The following CFAP46 variants were observed in gnomAD, a reference collection of about 807,000 sequenced individuals.
The protein encoded by CFAP46 is cilia and flagella associated protein 46, also known as cilia- and flagella-associated protein 46.
CFAP46 carries 245 observed loss-of-function variants against 325.7 expected under a neutral mutation model. The observed-to-expected ratio is 0.75, with a 90% CI of 0.68 to 0.84. The LOEUF (loss-of-function observed/expected upper bound fraction) is 0.84. Among genes scored for constraint, CFAP46 ranks in the 40% least tolerant of loss-of-function variants. CFAP46 has a pLI of 0.00. For missense variants in CFAP46, 3,346 were observed against 3,543.0 expected (o/e 0.94, Z 1.41); for synonymous variants, 1,523 against 1,495.9 (o/e 1.02, Z -0.42).
rs372764437 is a variant in CFAP46 at position 132,934,723 on chromosome 10, T to C, written c.866+29A>G. 7 of 1,347,460 alleles carry C rather than the reference T, an allele frequency of 5.2e-6. No homozygotes were observed. The African/African-American group carries it at 8.7e-5, about 17-fold the overall frequency. 83.5% of individuals were successfully genotyped at this position (1,347,460 alleles called of 1,614,324 possible). On this transcript the variant is annotated intron_variant, in intron 8 of 57. Coordinates refer to ENST00000368586, the MANE Select transcript of CFAP46 (RefSeq NM_001200049.3). ...AAATTTTGTACAACGATTATGAAGA[T>C]GTGATATTGGAAAAATACAAACACT...
Position 132,869,234 on chromosome 10 carries a change from G to A in CFAP46, c.4610+40C>T, listed in dbSNP as rs1396912271. On this transcript the variant is annotated intron_variant, in intron 33 of 57. Coordinates refer to ENST00000368586, the MANE Select transcript of CFAP46 (RefSeq NM_001200049.3). This position sits in a 1 kb window ranked among gnomAD's most constrained non-coding sequence, Gnocchi z 6.2. ...TTTCACCTGGCCGCACCAAGGGCGA[G>A]ACTCAAACCCCAGGCGGCGCAGGGT... 2 of 1,477,774 alleles carry A rather than the reference G, an allele frequency of 1.4e-6. No homozygotes were observed. Among genetic ancestry groups the A allele is most frequent in the East Asian group, 5.1e-5 (2 of 38,866 alleles). 91.5% of individuals were successfully genotyped at this position (1,477,774 alleles called of 1,614,324 possible). A position where few individuals can be genotyped will look rare whatever the true frequency, so the allele number is the denominator to read the frequency against.
chr10:132,810,391 A>G lies in CFAP46; in HGVS notation c.7664+18T>C, dbSNP rs1302885839. The G allele has an allele frequency of 2.5e-6, 4 of 1,611,240 alleles. No individual in the cohort carries two copies. In the South Asian group the frequency reaches 3.3e-5, roughly 13 times the overall value. ...GAGGGTGCTGAAGGCCGCGGGGTGC[A>G]GGCCGCCCCTCCCTTACCTTGGTTC... On this transcript the variant is annotated intron_variant, in intron 57 of 57. Coordinates refer to ENST00000368586, the MANE Select transcript of CFAP46 (RefSeq NM_001200049.3).
intron 40 of CFAP46, 26 bp from the exon 41 acceptor site, chr10:132,850,458 C>G (rs753805374): frequency 1.3e-6 from 2 of 1,524,570 alleles, no homozygotes; most frequent in Non-Finnish European, 1.8e-6. Context: ...CATGTTACAG[C>G]TGCCACCCCA....
intron 25 of CFAP46, among the ~76,000 whole-genome samples, chr10:132,888,903 C>T (rs182689183): frequency 2.5e-3 from 373 of 151,516 alleles, no homozygotes; most frequent in Middle Eastern, 6.8e-3. Flanking sequence ...TCACCCCTGC[C>T]GCCTGCACCT....
intron 25 of CFAP46, among the ~76,000 whole-genome samples, chr10:132,890,769 T>C (rs1591075891): frequency 6.6e-6 from 1 of 152,188 alleles, no homozygotes; most frequent in Non-Finnish European, 1.5e-5. Context: ...GTCGGGCTCA[T>C]GCCTGCAGGA....
chr10:132,903,376 G>A (rs577074851), intron 22 of CFAP46, among the ~76,000 whole-genome samples: 90 of 152,228 alleles, frequency 5.9e-4, no homozygotes, highest in African/African-American at 5.8e-4. Flanking sequence ...CCCACCTGCC[G>A]CGTCACATCC....
In CFAP46 at chr10:132,881,024, C is replaced by T; in HGVS notation, c.3636G>A (p.Glu1212=). 6.4e-7 allele frequency: 1 copy of T among 1,550,476 alleles called. No individual in the cohort carries two copies. The highest frequency in any genetic ancestry group is 8.7e-7 in the Non-Finnish European group (1 of 1,146,954). Residue 1212 remains glutamate (E), a synonymous_variant, in exon 28 of 58, where the codon GAG becomes GAA. Coordinates refer to ENST00000368586, the MANE Select transcript of CFAP46 (RefSeq NM_001200049.3). ...NNAIQALQKP[E]MEWQKVEYLM... ...GGTACTCCACCTTCTGCCACTCCAT[C>T]TCAGGCTTCTGTGGGATTGAACAGG... is the stretch of plus-strand genomic sequence containing the variant.
chr10:132,870,578 C>T (rs542387329), intron 32 of CFAP46, among the ~76,000 whole-genome samples: 4 of 152,138 alleles, frequency 2.6e-5, no homozygotes, highest in South Asian at 2.1e-4. Context: ...AAAAAGTTTC[C>T]GTGGTCTGCG....
At chr10:132,875,250 G>A (rs944602093) in intron 31 of CFAP46, among the ~76,000 whole-genome samples, 1 of 152,132 alleles carries the variant, frequency 6.6e-6, no homozygotes, top group South Asian at 2.1e-4. Context: ...GAAGACCTAC[G>A]TCAATGGAGA....
rs768837839 is a variant in CFAP46, at chr10:132,918,388, C to T, written c.1986+5G>A. 2.1e-5 allele frequency: 32 copies of T among 1,541,166 alleles called. No homozygotes were observed. The East Asian group carries it at 2.2e-4, about 11-fold the overall frequency. ...CACCGATGAACCCCCCTCTCCATGA[C>T]GCACCTCAGCATGGATGAACCCCAC... On this transcript the variant is annotated splice_donor_5th_base_variant and intron_variant, in intron 16 of 57. Coordinates refer to ENST00000368586, the MANE Select transcript of CFAP46 (RefSeq NM_001200049.3).
chr10:132,922,664 T>G lies in CFAP46; in HGVS notation c.1301A>C (p.Gln434Pro). The G allele has an allele frequency of 1.3e-6, 2 of 1,549,944 alleles. No individual in the cohort carries two copies. Among genetic ancestry groups the G allele is most frequent in the Non-Finnish European group, 1.7e-6 (2 of 1,146,760 alleles). The change falls in exon 12 of 58, where the codon CAG becomes CCG. Residue 434 changes from glutamine (Q) to proline (P), a missense_variant. Physicochemically the swap from Gln to Pro is moderately conservative, Grantham distance 76. Transcript: ENST00000368586. ...LRCQVHMEMA[Q>P]IEEDEDRLEP... is the part of the protein sequence containing the mutation. ...CAGCCGGTCCTCGTCCTCCTCGATC[T>G]GCGCCATCTCCATGTGCACTTGACA...
chr10:132,899,765 A>G, intron 22 of CFAP46, 99 bp from the exon 23 acceptor site: 1 of 1,343,750 alleles, frequency 7.4e-7, no homozygotes, highest in Non-Finnish European at 9.9e-7. Context: ...CACAGGTGGT[A>G]TTCTAAGATG....
chr10:132,855,690 C>T (rs1351621100), intron 39 of CFAP46, among the ~76,000 whole-genome samples: 1 of 152,128 alleles, frequency 6.6e-6, no homozygotes, highest in East Asian at 1.9e-4. Context: ...CATCTGTATT[C>T]TGGTATTTCT....
In CFAP46 at chr10:132,889,316, G is replaced by C. The variant is rs1849223196; in HGVS notation, c.3304+3017C>G. Among the ~76,000 whole-genome samples the C allele has an allele frequency of 1.3e-5, 2 of 152,204 alleles. No individual in the cohort carries two copies. The highest frequency in any genetic ancestry group is 2.9e-5 in the Non-Finnish European group (2 of 68,040). On this transcript the variant is annotated intron_variant, in intron 25 of 57. Coordinates refer to ENST00000368586, the MANE Select transcript of CFAP46 (RefSeq NM_001200049.3). This position sits in a 1 kb window ranked among gnomAD's most constrained non-coding sequence, Gnocchi z 6.0. ...TGCATTCTCCAGAGCCGACCGGCTG[G>C]GTCTAGGGAGCAGAGGTGCCCATGG...
Position 132,810,988 on chromosome 10 carries a change from C to G in CFAP46, c.7545G>C (p.Gln2515His). 6.2e-7 allele frequency: 1 copy of G among 1,608,012 alleles called. No homozygotes were observed. The highest frequency in any genetic ancestry group is 8.5e-7 in the Non-Finnish European group (1 of 1,177,462). The change falls in exon 56 of 58, where the codon CAG becomes CAC. Residue 2515 changes from glutamine (Q) to histidine (H), a missense_variant. By Grantham distance (24) the Gln-to-His change is conservative (BLOSUM62 0). Transcript: ENST00000368586. ...AVLLDLARSYQSLKRHMESVE... is the reference protein window; with the variant it reads ...AVLLDLARSYHSLKRHMESVE... ...CGCTCTCCATGTGCCTCTTCAAGCT[C>G]TGGTAGGACCGCGCCAGGTCCAGCA...
chr10:132,864,727 C>G (rs1198233072), intron 35 of CFAP46, among the ~76,000 whole-genome samples: 1 of 137,040 alleles, frequency 7.3e-6, no homozygotes, highest in Non-Finnish European at 1.5e-5. Flanking sequence ...CACCTGCCCT[C>G]AGTGCCTGAG....
intron 38 of CFAP46, among the ~76,000 whole-genome samples, chr10:132,858,645 C>T (rs1367075971): frequency 6.6e-6 from 1 of 152,088 alleles, no homozygotes; most frequent in Non-Finnish European, 1.5e-5. Flanking sequence ...AGGTCAGGGC[C>T]CTGCAAGCAG....
At chr10:132,822,478 GTGTGTGC>G (rs1565036318) in intron 50 of CFAP46, among the ~76,000 whole-genome samples, 3 of 136,424 alleles carry the variant, frequency 2.2e-5, no homozygotes, top group East Asian at 2.4e-4. Context: ...GATGTGTGCT[GTGTGTGC>G]TGTGTGTGCT....
intron 11 of CFAP46, among the ~76,000 whole-genome samples, 155 bp from the exon 12 acceptor site, chr10:132,922,863 C>G (rs1037179793): frequency 6.6e-6 from 1 of 152,204 alleles, no homozygotes; most frequent in Non-Finnish European, 1.5e-5. Context: ...CCAGTGATGT[C>G]CCTACCTGGC....
Sources: gnomAD v4.1 joint callset for allele counts (sites outside exome capture counted in the v4.1 genomes callset) on GRCh38, gnomAD v4.1.1 for gene constraint, Gnocchi (gnomAD v3.1) non-coding constraint, MANE v1.5 for transcripts, NCBI Gene and HGNC (gene_info 2026-07-23, HGNC 2026-07-21) for gene names.